RBFOX1: variants seen among roughly 807,000 people sequenced by gnomAD.
RBFOX1 encodes RNA binding protein fox-1 homolog 1.
In RBFOX1, 8 loss-of-function variants were observed where a neutral mutation model predicts 57.7. That is an observed-to-expected ratio of 0.14 (90% CI 0.08 to 0.25). The LOEUF (loss-of-function observed/expected upper bound fraction) is 0.25. RBFOX1 is among the 10% of genes least tolerant of loss of function. The pLI is 1.00. For synonymous variants in RBFOX1, 326 were observed against 222.4 expected (o/e 1.47, Z -4.15); for missense variants, 611 against 548.5 (o/e 1.11, Z -1.14).
intron 3 of RBFOX1, among the ~76,000 whole-genome samples, chr16:5,644,406 G>T (rs2048980813): frequency 6.6e-6 from 1 of 152,184 alleles, no homozygotes; most frequent in African/African-American, 2.4e-5. Flanking sequence ...CATGGTAGAG[G>T]GAAGGAGAAT....
chr16:7,329,498 G>A (rs747430064), intron 4 of RBFOX1, among the ~76,000 whole-genome samples: 2 of 152,194 alleles, frequency 1.3e-5, no homozygotes, highest in African/African-American at 4.8e-5. Flanking sequence ...GCAATACTAG[G>A]TGCTTCCCAT....
chr16:6,856,521 A>G (rs1331420301), intron 3 of RBFOX1, among the ~76,000 whole-genome samples: 1 of 152,176 alleles, frequency 6.6e-6, no homozygotes, highest in Non-Finnish European at 1.5e-5. Context: ...AATTGGTAAG[A>G]AAGGAAAATG....
rs889625110 is a variant in RBFOX1 at position 7,521,703 on chromosome 16, C to A, written c.270+3314C>A. The stretch of plus-strand genomic sequence containing the variant: ...GCATATAGATTTTCACAGGTTTTAT[C>A]TATCATAATGACAGTAGGAGAAAAC... On this transcript the variant is annotated intron_variant, in intron 5 of 15. Transcript: ENST00000550418. Among the ~76,000 whole-genome samples the A allele has an allele frequency of 2.6e-5, 4 of 152,222 alleles. No homozygotes were observed. In the East Asian group the frequency reaches 5.8e-4, roughly 22 times the overall value.
At chr16:5,476,077 C>A (rs148766012) in intron 2 of RBFOX1, among the ~76,000 whole-genome samples, 45 of 152,264 alleles carry the variant, frequency 3.0e-4, no homozygotes, top group African/African-American at 1.0e-3. Context: ...AGTGCCCCCT[C>A]CTTCTCTTAG....
intron 4 of RBFOX1, among the ~76,000 whole-genome samples, chr16:7,517,573 C>T (rs1019168173): frequency 2.1e-5 from 3 of 142,160 alleles, no homozygotes; most frequent in Non-Finnish European, 4.7e-5. Flanking sequence ...CACACACACA[C>T]AACATAACAC....
chr16:6,026,950 C>T (rs753860901), intron 1 of RBFOX1, among the ~76,000 whole-genome samples: 6 of 152,210 alleles, frequency 3.9e-5, no homozygotes, highest in African/African-American at 7.2e-5. Context: ...ATCTAATCAC[C>T]GTCATCTGAA....
rs3066618 is a variant in RBFOX1 at position 6,410,168 on chromosome 16, CTG to C, written c.-64+93146_-64+93147del. On this transcript the variant is annotated intron_variant, in intron 2 of 15. Transcript: ENST00000550418. ...GTTTAGAGTTTTAAGCATCATAAGG[CTG>C]TGTGTGTGTGTGTGTGTGTGTGTGT... Among the ~76,000 whole-genome samples, 378 of 147,000 alleles carry C rather than the reference CTG, an allele frequency of 2.6e-3. 2 individuals are homozygous for C. Among genetic ancestry groups the C allele is most frequent in the Middle Eastern group, 7.0e-3 (2 of 284 alleles).
chr16:5,904,657 C>G (rs990896219), intron 4 of RBFOX1, among the ~76,000 whole-genome samples: 16 of 152,020 alleles, frequency 1.1e-4, no homozygotes, highest in African/African-American at 3.6e-4. Context: ...CAGAATGTGA[C>G]TGCTTTTGAA....
intron 1 of RBFOX1, among the ~76,000 whole-genome samples, chr16:6,212,341 C>T (rs1052556744): frequency 6.6e-6 from 1 of 151,088 alleles, no homozygotes; most frequent in African/African-American, 2.4e-5. Context: ...TTAAAATATG[C>T]AATACATATG....
chr16:6,904,818 G>T (rs1009606827), intron 3 of RBFOX1, among the ~76,000 whole-genome samples: 2 of 152,052 alleles, frequency 1.3e-5, no homozygotes, highest in African/African-American at 4.8e-5. Flanking sequence ...TGAAGTCAAA[G>T]TGGCTGATTT....
At chr16:5,364,356 G>A (rs1252366572) in intron 1 of RBFOX1, among the ~76,000 whole-genome samples, 1 of 152,176 alleles carries the variant, frequency 6.6e-6, no homozygotes, top group Non-Finnish European at 1.5e-5. Flanking sequence ...CTTAAAAGCT[G>A]TTGTGCAGCT....
At chr16:7,181,898 G>A (rs1311706036) in intron 4 of RBFOX1, among the ~76,000 whole-genome samples, 1 of 152,072 alleles carries the variant, frequency 6.6e-6, no homozygotes, top group Non-Finnish European at 1.5e-5. Flanking sequence ...TATGTGAAGT[G>A]GTTCTTACGT....
chr16:6,870,012 A>C (rs2060594922), intron 3 of RBFOX1, among the ~76,000 whole-genome samples: 1 of 152,180 alleles, frequency 6.6e-6, no homozygotes. Flanking sequence ...TGATGCTGTG[A>C]GATCTATGCA....
chr16:5,453,881 T>G (rs1180515731), intron 1 of RBFOX1, among the ~76,000 whole-genome samples: 1 of 152,218 alleles, frequency 6.6e-6, no homozygotes, highest in Non-Finnish European at 1.5e-5. Flanking sequence ...GTTATTTCTT[T>G]GCCTGCTGGG....
chr16:5,498,899 C>G (rs1374935978), intron 2 of RBFOX1, among the ~76,000 whole-genome samples: 1 of 152,212 alleles, frequency 6.6e-6, no homozygotes, highest in Non-Finnish European at 1.5e-5. Flanking sequence ...CGTGGGTCTG[C>G]AGGTCCATCC....
chr16:7,197,998 C>CTTTCTTTCTTTTTTTTTTTTT (rs61556349), intron 4 of RBFOX1, among the ~76,000 whole-genome samples: 22 of 55,594 alleles, frequency 4.0e-4, no homozygotes, highest in Non-Finnish European at 5.4e-4. Context: ...TTCTTTCTTT[C>CTTTCTTTCTTTTTTTTTTTTT]TTTTTTTTTT....
rs373358117 is a variant in RBFOX1 at position 7,552,076 on chromosome 16, C to T, written c.271-27701C>T. Among the ~76,000 whole-genome samples, 15 of 152,238 alleles carry T rather than the reference C, an allele frequency of 9.9e-5. No homozygotes were observed. The South Asian group carries it at 1.0e-3, about 11-fold the overall frequency. On this transcript the variant is annotated intron_variant, in intron 5 of 15. Transcript: ENST00000550418. The stretch of plus-strand genomic sequence containing the variant: ...TTGTATAAGGAGATTTTCATTGTCA[C>T]GTGTGTCAGTCATTTTATCTCATTC...
At chr16:7,164,892 A>G (rs2079102193) in intron 4 of RBFOX1, among the ~76,000 whole-genome samples, 1 of 152,198 alleles carries the variant, frequency 6.6e-6, no homozygotes, top group African/African-American at 2.4e-5. Flanking sequence ...GGATAAGAGA[A>G]TGAATTGTTT....
intron 4 of RBFOX1, among the ~76,000 whole-genome samples, chr16:7,214,076 G>GGA (rs2091617917): frequency 6.7e-6 from 1 of 148,326 alleles, no homozygotes; most frequent in South Asian, 2.1e-4. Flanking sequence ...GCTTGCTATG[G>GGA]AAAAAAAAAA....
Sources: allele counts gnomAD v4.1 joint callset (sites outside exome capture counted in the v4.1 genomes callset), GRCh38; gene constraint gnomAD v4.1.1; transcripts MANE v1.5; gene names NCBI Gene and HGNC (gene_info 2026-07-23, HGNC 2026-07-21).